Variants in ACTN4 observed in about 807,000 individuals in gnomAD.
The protein encoded by ACTN4 is alpha-actinin-4.
In ACTN4, 18 loss-of-function variants were observed where a neutral mutation model predicts 114.2. That is an observed-to-expected ratio of 0.16 (90% confidence interval 0.11 to 0.23). The LOEUF (loss-of-function observed/expected upper bound fraction) is 0.23, where lower values mean the gene tolerates loss of function less well. ACTN4 is among the 10% of genes least tolerant of loss of function. The pLI is 1.00. For synonymous variants in ACTN4, 515 were observed against 506.3 expected (o/e 1.02, Z -0.23); for missense variants, 722 against 1,262.9 (o/e 0.57, Z 6.49).
chr19:38,698,831 G>A (rs959413846), intron 1 of ACTN4, among the ~76,000 whole-genome samples: 7 of 152,328 alleles, frequency 4.6e-5, no homozygotes, highest in Non-Finnish European at 8.8e-5. Context: ...CTGGTATGGC[G>A]TATTAATTAG....
At chr19:38,689,384 G>A (rs899070147) in intron 1 of ACTN4, among the ~76,000 whole-genome samples, 1 of 152,200 alleles carries the variant, frequency 6.6e-6, no homozygotes, top group African/African-American at 2.4e-5. Flanking sequence ...AGAGACGAAA[G>A]AAAGGTAGGT....
chr19:38,731,314 T>G lies in ACTN4; in HGVS notation c.*1882T>G. On this transcript the variant is annotated 3_prime_UTR_variant, in exon 21 of 21. Coordinates refer to ENST00000252699, the MANE Select transcript of ACTN4 (RefSeq NM_004924.6). Reference sequence around the variant, plus strand: ...CCCACCTCCTCAGGGAGGACATGAATGCCACAGGGTGTCACACCCCAACTC... The same window carrying G: ...CCCACCTCCTCAGGGAGGACATGAAGGCCACAGGGTGTCACACCCCAACTC... 1 of 947,990 alleles carries G rather than the reference T, an allele frequency of 1.1e-6. No individual in the cohort carries two copies. The highest frequency in any genetic ancestry group is 1.3e-5 in the South Asian group (1 of 75,086). The allele number at this position is 947,990 out of a possible 1,614,324, so 58.7% of individuals were successfully genotyped here.
chr19:38,708,753 C>G (rs1968544677), intron 6 of ACTN4, among the ~76,000 whole-genome samples: 1 of 152,240 alleles, frequency 6.6e-6, no homozygotes, highest in African/African-American at 2.4e-5. Context: ...CAGATCAGTG[C>G]TGCGGAGGAG....
intron 1 of ACTN4, among the ~76,000 whole-genome samples, chr19:38,658,147 C>T (rs921956850): frequency 1.8e-4 from 27 of 152,226 alleles, no homozygotes; most frequent in African/African-American, 3.6e-4. Flanking sequence ...CCTCTGTCCT[C>T]GGGGCAGGAG....
intron 1 of ACTN4, among the ~76,000 whole-genome samples, chr19:38,695,956 G>A (rs1028523829): frequency 6.6e-6 from 1 of 151,978 alleles, no homozygotes; most frequent in African/African-American, 2.4e-5. Context: ...AACTTTCTAG[G>A]TGTGTGACTG....
rs1968884770 is a variant in ACTN4, at chr19:38,717,549, C to T, written c.1143+233C>T. On this transcript the variant is annotated intron_variant, in intron 10 of 20. Coordinates refer to ENST00000252699, the MANE Select transcript of ACTN4 (RefSeq NM_004924.6). The surrounding 1 kb of genome is among the most constrained non-coding windows in gnomAD (Gnocchi z 4.0). ...CAGGGTTTTATACGCATCCCAAATC[C>T]TTGCCACGGGTTGTGTGGGTGTGGA... 6.6e-6 allele frequency among the ~76,000 whole-genome samples: 1 copy of T among 152,194 alleles called. No homozygotes were observed. Among genetic ancestry groups the T allele is most frequent in the Non-Finnish European group, 1.5e-5 (1 of 68,032 alleles).
At chr19:38,679,328 G>T (rs184937392) in intron 1 of ACTN4, among the ~76,000 whole-genome samples, 1 of 152,014 alleles carries the variant, frequency 6.6e-6, no homozygotes, top group Non-Finnish European at 1.5e-5. Flanking sequence ...CCTCCAGTGT[G>T]CCCGGCACTG....
At chr19:38,686,965 C>CTTTT (rs34122839) in intron 1 of ACTN4, among the ~76,000 whole-genome samples, 63 of 138,110 alleles carry the variant, frequency 4.6e-4, no homozygotes, top group African/African-American at 1.6e-3. Context: ...GGCAGAGTCT[C>CTTTT]TTTTTTTTTT....
chr19:38,695,803 A>G (rs1470518265), intron 1 of ACTN4, among the ~76,000 whole-genome samples: 1 of 151,544 alleles, frequency 6.6e-6, no homozygotes, highest in African/African-American at 2.4e-5. Flanking sequence ...CTTCAAGGAC[A>G]CCTTTCTGTG....
chr19:38,704,088 A>G (rs948275955), intron 3 of ACTN4, among the ~76,000 whole-genome samples: 7 of 152,200 alleles, frequency 4.6e-5, no homozygotes, highest in Non-Finnish European at 1.0e-4. Flanking sequence ...CAAGGCAGGA[A>G]GATCACTTGA....
In ACTN4 at chr19:38,712,965, G is replaced by A. The variant is rs972107787; in HGVS notation, c.820-1504G>A. Among the ~76,000 whole-genome samples the A allele has an allele frequency of 3.0e-5, 4 of 135,378 alleles. No homozygotes were observed. The Admixed American group carries it at 3.0e-4, about 10-fold the overall frequency. The allele number at this position is 135,378 out of a possible 152,430, so 88.8% of individuals were successfully genotyped here. A position where few individuals can be genotyped will look rare whatever the true frequency, so the allele number is the denominator to read the frequency against. On this transcript the variant is annotated intron_variant, in intron 8 of 20. Transcript: ENST00000252699. ...GGCTTGTCACTGGCCCCTCTCTGAG[G>A]GGGTAGTGGAGGCCCGGCTGCAGGG...
At chr19:38,688,777 C>T (rs993114036) in intron 1 of ACTN4, among the ~76,000 whole-genome samples, 7 of 152,024 alleles carry the variant, frequency 4.6e-5, no homozygotes, top group Non-Finnish European at 7.4e-5. Context: ...GCACACCCAC[C>T]ATGATGGCTA....
rs1022257383 is a variant in ACTN4, at chr19:38,723,984, C to T, written c.1599C>T (p.Tyr533=). ...CCATCGACCAGCTGCACCTGGAATACGCCAAGCGCGCGGCCCCCTTCAACA... is the reference window on the plus strand; with the variant it reads ...CCATCGACCAGCTGCACCTGGAATATGCCAAGCGCGCGGCCCCCTTCAACA... ...LEAIDQLHLE[Y]AKRAAPFNNW... The change falls in exon 14 of 21, where the codon TAC becomes TAT. Residue 533 remains tyrosine (Y), a synonymous_variant. Coordinates refer to ENST00000252699, the MANE Select transcript of ACTN4 (RefSeq NM_004924.6). 29 of 1,613,690 alleles carry T rather than the reference C, an allele frequency of 1.8e-5. No homozygotes were observed. Among genetic ancestry groups the T allele is most frequent in the Non-Finnish European group, 2.4e-5 (28 of 1,179,982 alleles).
chr19:38,714,240 G>A (rs763172156), intron 8 of ACTN4, among the ~76,000 whole-genome samples: 3 of 152,202 alleles, frequency 2.0e-5, no homozygotes, highest in Non-Finnish European at 4.4e-5. Context: ...ACCCTCCTCG[G>A]TGCCTCCAGG....
chr19:38,721,098 AG>A (rs1969024251), intron 11 of ACTN4, among the ~76,000 whole-genome samples: 1 of 152,236 alleles, frequency 6.6e-6, no homozygotes, highest in Non-Finnish European at 1.5e-5. Flanking sequence ...GTGCAGGGTC[AG>A]GGTCCTAGAA....
intron 1 of ACTN4, among the ~76,000 whole-genome samples, chr19:38,697,522 T>C (rs1374563815): frequency 6.6e-6 from 1 of 152,204 alleles, no homozygotes; most frequent in East Asian, 1.9e-4. Flanking sequence ...CAGACTTAAG[T>C]AGGTAAAGTC....
chr19:38,678,494 G>A (rs1192010810), intron 1 of ACTN4, among the ~76,000 whole-genome samples: 3 of 152,200 alleles, frequency 2.0e-5, no homozygotes, highest in African/African-American at 4.8e-5. Context: ...TACCAGGGAA[G>A]GAAGGGAAGT....
intron 8 of ACTN4, chr19:38,711,134 A>G: frequency 5.0e-6 from 1 of 199,644 alleles, no homozygotes. Flanking sequence ...CCCGCAAGGC[A>G]TGTCCACGCA....
At chr19:38,660,865 G>A (rs975458734) in intron 1 of ACTN4, among the ~76,000 whole-genome samples, 4 of 152,226 alleles carry the variant, frequency 2.6e-5, no homozygotes, top group African/African-American at 9.6e-5. Context: ...GAAGTCTAGT[G>A]ATTGGGAATG....
Sources: gnomAD v4.1 joint callset for allele counts (sites outside exome capture counted in the v4.1 genomes callset) on GRCh38, gnomAD v4.1.1 for gene constraint, Gnocchi (gnomAD v3.1) non-coding constraint, MANE v1.5 for transcripts, NCBI Gene and HGNC (gene_info 2026-07-23, HGNC 2026-07-21) for gene names.